The following CAST variants were observed in gnomAD, a reference collection of about 807,000 sequenced individuals.
CAST encodes MIR583 host.
In CAST, 76 loss-of-function variants were observed where a neutral mutation model predicts 119.6. The observed-to-expected ratio is 0.64, with a 90% CI of 0.53 to 0.77. The LOEUF (loss-of-function observed/expected upper bound fraction) is 0.77, where lower values mean the gene tolerates loss of function less well. CAST is among the 30% of genes least tolerant of loss of function. CAST has a pLI of 0.00. For synonymous variants in CAST, 319 were observed against 331.6 expected (o/e 0.96, Z 0.41); for missense variants, 953 against 946.5 (o/e 1.01, Z -0.09).
the CAST span, among the ~76,000 whole-genome samples, chr5:96,035,249 A>G: frequency 6.7e-6 from 1 of 148,532 alleles, no homozygotes; most frequent in Admixed American, 6.8e-5. Context: ...AGTATGTTGT[A>G]CACAGTAAAT....
the CAST span, among the ~76,000 whole-genome samples, chr5:96,161,886 A>G: frequency 6.6e-6 from 1 of 152,106 alleles, no homozygotes. Flanking sequence ...TTGTAAATAG[A>G]ATTGTTTTCT....
the CAST span, among the ~76,000 whole-genome samples, chr5:96,239,639 G>C: frequency 1.3e-5 from 2 of 151,620 alleles, no homozygotes; most frequent in African/African-American, 4.8e-5. Context: ...CAATTTTCTT[G>C]TATCACATCT....
the CAST span, among the ~76,000 whole-genome samples, chr5:96,189,711 CTT>C: frequency 6.6e-6 from 1 of 152,060 alleles, no homozygotes; most frequent in East Asian, 1.9e-4. Flanking sequence ...TTCTGAGACA[CTT>C]TTTATTTTAC....
the CAST span, among the ~76,000 whole-genome samples, chr5:96,092,247 T>A: frequency 6.6e-6 from 1 of 152,236 alleles, no homozygotes; most frequent in East Asian, 1.9e-4. Flanking sequence ...ACTTGCTTTC[T>A]GTTTTTTATT....
the CAST span, among the ~76,000 whole-genome samples, chr5:96,230,996 G>A: frequency 1.3e-5 from 2 of 152,086 alleles, no homozygotes; most frequent in African/African-American, 4.8e-5. Context: ...AGTGCTGAAA[G>A]GATGTAGAAA....
intron 1 of CAST, among the ~76,000 whole-genome samples, chr5:96,597,163 C>T (rs1747067795): frequency 6.6e-6 from 1 of 152,188 alleles, no homozygotes; most frequent in Non-Finnish European, 1.5e-5. Flanking sequence ...TCATATATTT[C>T]ATTGTTATGA....
the CAST span, among the ~76,000 whole-genome samples, chr5:96,265,819 A>T: frequency 1.3e-5 from 2 of 152,134 alleles, no homozygotes; most frequent in Non-Finnish European, 2.9e-5. Flanking sequence ...TTTGTTTGCC[A>T]TCTACAAATA....
the CAST span, among the ~76,000 whole-genome samples, chr5:96,294,186 T>C: frequency 6.6e-6 from 1 of 152,252 alleles, no homozygotes; most frequent in African/African-American, 2.4e-5. Flanking sequence ...AATTAGATCA[T>C]GTGCTATCTC....
At chr5:96,182,665 C>T in the CAST span, among the ~76,000 whole-genome samples, 1 of 152,264 alleles carries the variant, frequency 6.6e-6, no homozygotes, top group South Asian at 2.1e-4. Context: ...AGTATTAATT[C>T]ATTTATTTAT....
At chr5:96,010,966 T>C in the CAST span, among the ~76,000 whole-genome samples, 1 of 152,212 alleles carries the variant, frequency 6.6e-6, no homozygotes, top group Non-Finnish European at 1.5e-5. Flanking sequence ...CCTGAAACTT[T>C]ACTGAAGTCG....
the CAST span, among the ~76,000 whole-genome samples, chr5:96,184,977 A>G: frequency 6.6e-6 from 1 of 152,212 alleles, no homozygotes; most frequent in African/African-American, 2.4e-5. Context: ...CACCAACAGC[A>G]TAACTGCATT....
the CAST span, among the ~76,000 whole-genome samples, chr5:96,441,137 G>A: frequency 6.6e-6 from 1 of 152,144 alleles, no homozygotes; most frequent in Non-Finnish European, 1.5e-5. Context: ...GTAAATGATA[G>A]TTATTTTTAT....
the CAST span, chr5:96,432,947 G>A: frequency 1.2e-6 from 2 of 1,614,212 alleles, no homozygotes; most frequent in East Asian, 2.2e-5. Flanking sequence ...CCCATTCATT[G>A]ACAAATTGCC....
the CAST span, among the ~76,000 whole-genome samples, chr5:96,426,169 T>C: frequency 6.6e-6 from 1 of 152,188 alleles, no homozygotes; most frequent in Non-Finnish European, 1.5e-5. Context: ...AGTGAAATGA[T>C]AATTCCCTAA....
At chr5:96,296,740 G>A in the CAST span, among the ~76,000 whole-genome samples, 2 of 152,194 alleles carry the variant, frequency 1.3e-5, no homozygotes, top group South Asian at 4.1e-4. Flanking sequence ...CTCTGCTGAT[G>A]TCTGCTCAAC....
intron 4 of CAST, among the ~76,000 whole-genome samples, chr5:96,723,712 G>A (rs1222416732): frequency 6.6e-6 from 1 of 152,182 alleles, no homozygotes; most frequent in African/African-American, 2.4e-5. Flanking sequence ...GAATATTTCA[G>A]GGGAGGGAAT....
At chr5:96,476,834 G>A in the CAST span, among the ~76,000 whole-genome samples, 3 of 149,982 alleles carry the variant, frequency 2.0e-5, no homozygotes, top group African/African-American at 7.4e-5. Context: ...ACATCTCCCT[G>A]CACATGCACT....
chr5:96,276,514 A>C, the CAST span, among the ~76,000 whole-genome samples: 1 of 152,240 alleles, frequency 6.6e-6, no homozygotes, highest in Non-Finnish European at 1.5e-5. Context: ...CTGAGATTGA[A>C]GATGGTAAAA....
At chr5:96,491,011 A>G in the CAST span, among the ~76,000 whole-genome samples, 1 of 152,206 alleles carries the variant, frequency 6.6e-6, no homozygotes, top group Non-Finnish European at 1.5e-5. Context: ...TCAAGAATAT[A>G]TAACTCTTAT....
Sources: gnomAD v4.1 joint callset for allele counts (sites outside exome capture counted in the v4.1 genomes callset) on GRCh38, gnomAD v4.1.1 for gene constraint, MANE v1.5 for transcripts, NCBI Gene and HGNC (gene_info 2026-07-23, HGNC 2026-07-21) for gene names.